Variants in ZDHHC20 observed in about 807,000 individuals in gnomAD.
The protein encoded by ZDHHC20 is zDHHC palmitoyltransferase 20, also known as palmitoyltransferase ZDHHC20.
ZDHHC20 carries 43 observed loss-of-function variants against 57.8 expected under a neutral mutation model. That is an observed-to-expected ratio of 0.74 (90% CI 0.58 to 0.96). The LOEUF (loss-of-function observed/expected upper bound fraction) is 0.96, where lower values mean the gene tolerates loss of function less well. Ranked by LOEUF, ZDHHC20 falls within the 40% of genes least tolerant of loss-of-function variation. The probability of loss-of-function intolerance (pLI) is 0.00; values close to 1 mark genes in which losing one functional copy is unlikely to be tolerated. For synonymous variants in ZDHHC20, 157 were observed against 153.0 expected (o/e 1.03, Z -0.19); for missense variants, 391 against 441.1 (o/e 0.89, Z 1.02).
intron 3 of ZDHHC20, among the ~76,000 whole-genome samples, chr13:21,414,834 A>T (rs1018269059): frequency 6.6e-6 from 1 of 151,962 alleles, no homozygotes; most frequent in African/African-American, 2.4e-5. Context: ...TTTACACCTT[A>T]ATTTCATGTT....
intron 9 of ZDHHC20, among the ~76,000 whole-genome samples, chr13:21,385,255 C>G (rs1322461190): frequency 1.3e-5 from 2 of 151,942 alleles, no homozygotes; most frequent in Admixed American, 1.3e-4. Flanking sequence ...ATGGTGAAAC[C>G]CTGTCTTTAC....
chr13:21,411,453 C>T (rs1879208510), intron 4 of ZDHHC20, among the ~76,000 whole-genome samples: 1 of 152,210 alleles, frequency 6.6e-6, no homozygotes, highest in African/African-American at 2.4e-5. Context: ...CTAGTTCAAT[C>T]TCTCCATTTT....
chr13:21,377,749 T>G (rs563713899), intron 12 of ZDHHC20: 53 of 163,708 alleles, frequency 3.2e-4, no homozygotes, highest in Non-Finnish European at 4.9e-4. Flanking sequence ...CCAGGTCCTC[T>G]GCAAGGACCT....
At chr13:21,396,518 A>G (rs1876810502) in intron 7 of ZDHHC20, among the ~76,000 whole-genome samples, 1 of 152,084 alleles carries the variant, frequency 6.6e-6, no homozygotes, top group Non-Finnish European at 1.5e-5. Flanking sequence ...AAACAAAAGA[A>G]AGCAGAAATG....
At position 21,394,563 on chromosome 13, in the gene ZDHHC20, A is replaced by G. The variant is rs182946120; in HGVS notation, c.595-2709T>C. On this transcript the variant is annotated intron_variant, in intron 7 of 12. Coordinates refer to ENST00000400590, the MANE Select transcript of ZDHHC20 (RefSeq NM_001330059.2). Reference sequence around the variant, plus strand: ...TACAGTAAGTACTAAATACATATTTATTGAATGAAGAAAAAGGTATATTTA... The same window carrying G: ...TACAGTAAGTACTAAATACATATTTGTTGAATGAAGAAAAAGGTATATTTA... 1.1e-3 allele frequency among the ~76,000 whole-genome samples: 169 copies of G among 152,348 alleles called. 1 individual carries two copies. The highest frequency in any genetic ancestry group is 6.8e-3 in the Middle Eastern group (2 of 294).
Position 21,453,883 on chromosome 13 carries a change from G to A in ZDHHC20, c.118+5171C>T, listed in dbSNP as rs187718074. Among the ~76,000 whole-genome samples the A allele has an allele frequency of 5.8e-3, 880 of 152,216 alleles. 32 individuals are homozygous for A. Among genetic ancestry groups the A allele is most frequent in the Admixed American group, 0.053 (805 of 15,300 alleles). On this transcript the variant is annotated intron_variant, in intron 1 of 12. Transcript: ENST00000400590. ...GTTCTTTGGGAAAGGGTCTTGCTCT[G>A]TAACCCAGGCTGGAGTGCAATGGCA...
At chr13:21,393,659 G>A (rs887721663) in intron 7 of ZDHHC20, among the ~76,000 whole-genome samples, 3 of 131,874 alleles carry the variant, frequency 2.3e-5, no homozygotes, top group East Asian at 4.7e-4. Flanking sequence ...AGCCGAGATC[G>A]CACTGCTGCA....
At position 21,392,553 on chromosome 13, in the gene ZDHHC20, G is replaced by A. The variant is rs147520524; in HGVS notation, c.595-699C>T. ...ATTTTGATAAATAAATTTACCACAG[G>A]TATTAATGAATGAAAACAGCTTCTC... On this transcript the variant is annotated intron_variant, in intron 7 of 12. Coordinates refer to ENST00000400590, the MANE Select transcript of ZDHHC20 (RefSeq NM_001330059.2). Among the ~76,000 whole-genome samples, 49 of 152,232 alleles carry A rather than the reference G, an allele frequency of 3.2e-4. 1 individual carries two copies. The East Asian group carries it at 9.3e-3, about 29-fold the overall frequency.
intron 1 of ZDHHC20, among the ~76,000 whole-genome samples, chr13:21,456,953 A>T (rs1884981280): frequency 6.6e-6 from 1 of 152,228 alleles, no homozygotes; most frequent in Admixed American, 6.5e-5. Context: ...TGTGGGTCAC[A>T]TTCCAATAAT....
intron 11 of ZDHHC20, among the ~76,000 whole-genome samples, chr13:21,379,960 C>CACGT: frequency 6.6e-6 from 1 of 151,478 alleles, no homozygotes. Context: ...GGACTACAGG[C>CACGT]GCCCACCACC....
At chr13:21,401,565 A>G in intron 6 of ZDHHC20, 88 bp downstream of exon 6, 1 of 1,172,318 alleles carries the variant, frequency 8.5e-7, no homozygotes, top group Non-Finnish European at 1.2e-6. Flanking sequence ...CTATGAGTAA[A>G]CTGGCCTTCA....
chr13:21,426,188 G>C (rs1323414242), intron 1 of ZDHHC20, among the ~76,000 whole-genome samples: 1 of 152,106 alleles, frequency 6.6e-6, no homozygotes, highest in Non-Finnish European at 1.5e-5. Flanking sequence ...GCACAGAAAA[G>C]GTAATTCAGT....
intron 2 of ZDHHC20, among the ~76,000 whole-genome samples, chr13:21,425,006 G>A (rs977740025): frequency 1.3e-5 from 2 of 152,090 alleles, no homozygotes; most frequent in Admixed American, 1.3e-4. Context: ...AACTGTTCAA[G>A]TATTTTAGAA....
chr13:21,454,696 A>G (rs552924873), intron 1 of ZDHHC20, among the ~76,000 whole-genome samples: 110 of 152,328 alleles, frequency 7.2e-4, no homozygotes, highest in African/African-American at 2.3e-3. Flanking sequence ...ATATCAATAA[A>G]ATACTTCAGA....
intron 3 of ZDHHC20, among the ~76,000 whole-genome samples, chr13:21,415,246 T>G (rs11148106): frequency 1.3e-5 from 2 of 152,068 alleles, no homozygotes; most frequent in Non-Finnish European, 2.9e-5. Flanking sequence ...AACAGTAAAA[T>G]ACGGGTCTTC....
intron 11 of ZDHHC20, among the ~76,000 whole-genome samples, chr13:21,379,460 A>G (rs1872841233): frequency 1.3e-5 from 2 of 151,822 alleles, no homozygotes; most frequent in African/African-American, 4.8e-5. Flanking sequence ...TTTTTTCCCA[A>G]AGTTTTTCGT....
intron 1 of ZDHHC20, among the ~76,000 whole-genome samples, chr13:21,438,575 G>GT (rs1566108340): frequency 1.3e-5 from 2 of 152,148 alleles, no homozygotes; most frequent in African/African-American, 4.8e-5. Context: ...AAAGAAAATG[G>GT]TTTTTTTGAC....
chr13:21,401,635 C>T lies in ZDHHC20; in HGVS notation c.473+18G>A. The T allele has an allele frequency of 2.0e-6, 3 of 1,533,150 alleles. No individual in the cohort carries two copies. The highest frequency in any genetic ancestry group is 2.6e-6 in the Non-Finnish European group (3 of 1,142,404). 95.0% of individuals were successfully genotyped at this position (1,533,150 alleles called of 1,614,324 possible). A position where few individuals can be genotyped will look rare whatever the true frequency, so the allele number is the denominator to read the frequency against. ...TCTCTCACCACCAATGCAATTTCTT[C>T]TGTTTTTTTATACATACCAAGGACA... On this transcript the variant is annotated intron_variant, in intron 6 of 12. Coordinates refer to ENST00000400590, the MANE Select transcript of ZDHHC20 (RefSeq NM_001330059.2).
At chr13:21,422,699 A>G (rs968697487) in intron 2 of ZDHHC20, among the ~76,000 whole-genome samples, 1 of 152,020 alleles carries the variant, frequency 6.6e-6, no homozygotes, top group South Asian at 2.1e-4. Context: ...ATACTTCATA[A>G]ATTGTTGCCT....
Sources: gnomAD v4.1 joint callset for allele counts (sites outside exome capture counted in the v4.1 genomes callset) on GRCh38, gnomAD v4.1.1 for gene constraint, MANE v1.5 for transcripts, NCBI Gene and HGNC (gene_info 2026-07-23, HGNC 2026-07-21) for gene names.